The following MMP16 variants were observed in gnomAD, a reference collection of about 807,000 sequenced individuals.
MMP16 encodes the protein matrix metallopeptidase 16.
MMP16 carries 12 observed loss-of-function variants against 67.8 expected under a neutral mutation model. The observed-to-expected ratio is 0.18, with a 90% CI of 0.11 to 0.29. The LOEUF is 0.29. Ranked by LOEUF, MMP16 falls within the 10% of genes least tolerant of loss-of-function variation. MMP16 has a pLI of 1.00. For missense variants in MMP16, 475 were observed against 765.7 expected (o/e 0.62, Z 4.48); for synonymous variants, 249 against 255.9 (o/e 0.97, Z 0.26).
chr8:88,141,694 T>A lies in MMP16; in HGVS notation c.710-22833A>T, dbSNP rs2681304. On this transcript the variant is annotated intron_variant, in intron 4 of 9. Coordinates refer to ENST00000286614, the MANE Select transcript of MMP16 (RefSeq NM_005941.5). Reference sequence around the variant, plus strand: ...AATACTATTATTATTTGCAATTTATTATTTTCACCATTACTTTCATAGTTA... The same window carrying A: ...AATACTATTATTATTTGCAATTTATAATTTTCACCATTACTTTCATAGTTA... Among the ~76,000 whole-genome samples, 874 of 152,318 alleles carry A rather than the reference T, an allele frequency of 5.7e-3. 10 individuals carry two copies. Among genetic ancestry groups the A allele is most frequent in the African/African-American group, 0.02 (833 of 41,580 alleles).
intron 6 of MMP16, among the ~76,000 whole-genome samples, chr8:88,111,567 G>C (rs903510129): frequency 1.3e-5 from 2 of 151,590 alleles, no homozygotes; most frequent in African/African-American, 4.8e-5. Flanking sequence ...TGGGGAAATG[G>C]GCCGATCATG....
At chr8:88,137,366 C>G (rs1563542702) in intron 4 of MMP16, among the ~76,000 whole-genome samples, 1 of 151,944 alleles carries the variant, frequency 6.6e-6, no homozygotes, top group Non-Finnish European at 1.5e-5. Context: ...ATAAGGAATA[C>G]CGAACCTGTA....
rs142170186 is a variant in MMP16 at position 88,265,825 on chromosome 8, A to G, written c.132+61250T>C. 5.4e-3 allele frequency among the ~76,000 whole-genome samples: 817 copies of G among 152,334 alleles called. 9 individuals carry two copies. The highest frequency in any genetic ancestry group is 0.019 in the African/African-American group (780 of 41,580). ...GTAACTTTTGTGTAACCTTGCAAAC[A>G]GTTTGGTGGTAGAGTTTTCCCAAGT... On this transcript the variant is annotated intron_variant, in intron 1 of 9. Coordinates refer to ENST00000286614, the MANE Select transcript of MMP16 (RefSeq NM_005941.5).
Position 88,118,784 on chromosome 8 carries a change from T to C in MMP16, c.787A>G (p.Ile263Val). The C allele has an allele frequency of 6.2e-7, 1 of 1,613,380 alleles. No individual in the cohort carries two copies. Among genetic ancestry groups the C allele is most frequent in the Non-Finnish European group, 8.5e-7 (1 of 1,179,542 alleles). Reference sequence around the variant, plus strand: ...ATGTACTGGTAAAATGGAGCCATGATGGCAGTGGGGTCATTGGAATGCTCC... The same window carrying C: ...ATGTACTGGTAAAATGGAGCCATGACGGCAGTGGGGTCATTGGAATGCTCC... ...GLEHSNDPTA[I>V]MAPFYQYMET... Residue 263 changes from isoleucine (I) to valine (V), a missense_variant, in exon 5 of 10, where the codon ATC (isoleucine) becomes GTC (valine). Physicochemically the swap from Ile to Val is conservative, Grantham distance 29. Coordinates refer to ENST00000286614, the MANE Select transcript of MMP16 (RefSeq NM_005941.5).
chr8:88,142,688 A>G (rs1284940983), intron 4 of MMP16, among the ~76,000 whole-genome samples: 3 of 152,140 alleles, frequency 2.0e-5, no homozygotes, highest in Admixed American at 6.5e-5. Context: ...ACCAGGAAAT[A>G]AACTGTTTTA....
intron 4 of MMP16, among the ~76,000 whole-genome samples, chr8:88,120,509 C>T (rs1400914907): frequency 6.6e-6 from 1 of 151,858 alleles, no homozygotes; most frequent in Non-Finnish European, 1.5e-5. Context: ...TGCCCACACC[C>T]AGAAAACATG....
intron 1 of MMP16, among the ~76,000 whole-genome samples, chr8:88,320,765 G>C (rs998388919): frequency 2.0e-5 from 3 of 152,022 alleles, no homozygotes; most frequent in African/African-American, 7.2e-5. Flanking sequence ...GCTCCCTCTA[G>C]CCTCTTTTTA....
At chr8:88,226,190 C>T (rs991375473) in intron 1 of MMP16, among the ~76,000 whole-genome samples, 2 of 151,742 alleles carry the variant, frequency 1.3e-5, no homozygotes, top group Non-Finnish European at 2.9e-5. Context: ...TTCAAACATT[C>T]ATCTTTTTTC....
At chr8:88,224,560 A>G (rs1042508957) in intron 1 of MMP16, among the ~76,000 whole-genome samples, 1 of 151,988 alleles carries the variant, frequency 6.6e-6, no homozygotes, top group African/African-American at 2.4e-5. Context: ...TTACTACATA[A>G]TTTTACTCTT....
chr8:88,120,511 G>T (rs942099173), intron 4 of MMP16, among the ~76,000 whole-genome samples: 2 of 151,890 alleles, frequency 1.3e-5, no homozygotes, highest in African/African-American at 4.8e-5. Context: ...CCCACACCCA[G>T]AAAACATGGG....
intron 4 of MMP16, among the ~76,000 whole-genome samples, chr8:88,145,776 C>T (rs1379898693): frequency 6.6e-6 from 1 of 151,944 alleles, no homozygotes; most frequent in African/African-American, 2.4e-5. Context: ...ATTACCTTGT[C>T]TTCTAGACCA....
chr8:88,105,704 G>A (rs1373918201), intron 6 of MMP16, among the ~76,000 whole-genome samples: 2 of 151,370 alleles, frequency 1.3e-5, no homozygotes, highest in Non-Finnish European at 3.0e-5. Flanking sequence ...TCAAGGGGAA[G>A]AGCCTAATTC....
intron 4 of MMP16, among the ~76,000 whole-genome samples, chr8:88,155,733 T>A (rs534521020): frequency 6.6e-6 from 1 of 152,270 alleles, no homozygotes; most frequent in South Asian, 2.1e-4. Flanking sequence ...ATTCAGTTTG[T>A]ACAGTAATAA....
intron 4 of MMP16, among the ~76,000 whole-genome samples, chr8:88,147,649 C>T (rs1400335619): frequency 6.6e-6 from 1 of 151,872 alleles, no homozygotes; most frequent in East Asian, 1.9e-4. Context: ...TGAATATATG[C>T]CACTGTCTTC....
intron 4 of MMP16, among the ~76,000 whole-genome samples, chr8:88,124,394 T>C (rs1807891329): frequency 6.6e-6 from 1 of 151,956 alleles, no homozygotes; most frequent in South Asian, 2.1e-4. Flanking sequence ...TGAGAAACTA[T>C]GACTTTCATT....
chr8:88,140,768 C>A (rs1399921259), intron 4 of MMP16, among the ~76,000 whole-genome samples: 1 of 151,910 alleles, frequency 6.6e-6, no homozygotes, highest in Admixed American at 6.6e-5. Context: ...TACAAGAATT[C>A]AGAAAACCAA....
At chr8:88,131,100 C>T (rs970766886) in intron 4 of MMP16, among the ~76,000 whole-genome samples, 5 of 151,604 alleles carry the variant, frequency 3.3e-5, no homozygotes, top group Non-Finnish European at 7.4e-5. Context: ...ACTCTTCATA[C>T]AAAAATCTTT....
At chr8:88,243,845 C>T (rs920161614) in intron 1 of MMP16, among the ~76,000 whole-genome samples, 12 of 152,034 alleles carry the variant, frequency 7.9e-5, no homozygotes, top group African/African-American at 2.2e-4. Context: ...TAATAGTCCT[C>T]GGGTTGCCAG....
rs1236760437 is a variant in MMP16, at chr8:88,034,239, A to T, written c.*7222T>A. On this transcript the variant is annotated 3_prime_UTR_variant, in exon 10 of 10. Coordinates refer to ENST00000286614, the MANE Select transcript of MMP16 (RefSeq NM_005941.5). ...AGGGAAGGGAAAACCAAATCTGTGT[A>T]AAAAAAAAAAAAAAAGGCAAGATAG... The T allele has an allele frequency of 9.2e-5, 7 of 76,370 alleles. No individual in the cohort carries two copies. Among genetic ancestry groups the T allele is most frequent in the African/African-American group, 2.5e-4 (4 of 15,998 alleles). The allele number at this position is 76,370 out of a possible 1,614,324, so 4.7% of individuals were successfully genotyped here. A position where few individuals can be genotyped will look rare whatever the true frequency, so the allele number is the denominator to read the frequency against.
Sources: allele counts gnomAD v4.1 joint callset (sites outside exome capture counted in the v4.1 genomes callset), GRCh38; gene constraint gnomAD v4.1.1; transcripts MANE v1.5; gene names NCBI Gene and HGNC (gene_info 2026-07-23, HGNC 2026-07-21).